The following MAML2 variants were observed in gnomAD, a reference collection of about 807,000 sequenced individuals.
MAML2 encodes the protein mastermind-like protein 2.
A neutral mutation model predicts 96.1 loss-of-function variants in MAML2; 22 were observed. That is an observed-to-expected ratio of 0.23 (90% CI 0.16 to 0.33). The LOEUF (loss-of-function observed/expected upper bound fraction) is 0.33, where lower values mean the gene tolerates loss of function less well. Among genes scored for constraint, MAML2 ranks in the 10% least tolerant of loss-of-function variants. The pLI is 1.00. For synonymous variants in MAML2, 561 were observed against 521.3 expected, an observed-to-expected ratio of 1.08 and a Z score of -1.04; for missense variants, 1,367 against 1,392.4, an observed-to-expected ratio of 0.98 and a Z score of 0.29.
chr11:96,341,237 C>T (rs563417071), intron 1 of MAML2, 146 bp downstream of exon 1: 6 of 910,554 alleles, frequency 6.6e-6, no homozygotes, highest in Middle Eastern at 2.2e-4. Flanking sequence ...TGAAACCACC[C>T]GAACACACCC....
Position 96,341,734 on chromosome 11 carries a change from A to G in MAML2, c.162T>C (p.Cys54=), listed in dbSNP as rs1863998144. 15 of 1,612,978 alleles carry G rather than the reference A, an allele frequency of 9.3e-6. No homozygotes were observed. Among genetic ancestry groups the G allele is most frequent in the Non-Finnish European group, 1.2e-5 (14 of 1,179,632 alleles). Residue 54 remains cysteine, a synonymous_variant, in exon 1 of 5, where the codon TGT becomes TGC. Transcript: ENST00000524717. ...IAVCRQHHLS[C]EGRYERGRAE... ...CCCTACCTCGTTCATATCGTCCTTC[A>G]CAGCTCAGGTGGTGTTGGCGGCAGA...
intron 2 of MAML2, among the ~76,000 whole-genome samples, chr11:96,083,079 T>C (rs1158066164): frequency 6.6e-6 from 1 of 152,206 alleles, no homozygotes; most frequent in Non-Finnish European, 1.5e-5. Context: ...CTCTGAGAAG[T>C]GGCACGTGGG....
At chr11:96,118,560 GC>G (rs996915757) in intron 1 of MAML2, among the ~76,000 whole-genome samples, 3 of 145,962 alleles carry the variant, frequency 2.1e-5, no homozygotes, top group Admixed American at 1.4e-4. Flanking sequence ...TGTGTTTATA[GC>G]AGTGTGAAAA....
intron 1 of MAML2, among the ~76,000 whole-genome samples, chr11:96,093,857 C>T (rs1005977713): frequency 5.9e-5 from 9 of 152,218 alleles, no homozygotes; most frequent in African/African-American, 2.2e-4. Context: ...TTGTTATTTT[C>T]TGGAGCAAGC....
At chr11:96,320,677 G>A (rs1484195445) in intron 1 of MAML2, among the ~76,000 whole-genome samples, 2 of 152,206 alleles carry the variant, frequency 1.3e-5, no homozygotes, top group East Asian at 3.8e-4. Context: ...AGGAATAGGA[G>A]TTTGTGAGGT....
At chr11:96,170,767 T>C (rs1376387139) in intron 1 of MAML2, among the ~76,000 whole-genome samples, 2 of 152,138 alleles carry the variant, frequency 1.3e-5, no homozygotes, top group African/African-American at 4.8e-5. Context: ...CAGGCTGGAG[T>C]GCAGTGGCGT....
chr11:96,252,770 C>T (rs1480822466), intron 1 of MAML2, among the ~76,000 whole-genome samples: 8 of 152,164 alleles, frequency 5.3e-5, no homozygotes, highest in Admixed American at 4.6e-4. Context: ...AACAGCTCAC[C>T]TAGGTTTTAA....
intron 1 of MAML2, among the ~76,000 whole-genome samples, chr11:96,206,185 G>T (rs554728352): frequency 1.6e-4 from 24 of 151,942 alleles, no homozygotes; most frequent in Non-Finnish European, 2.5e-4. Flanking sequence ...AATAAGTATA[G>T]CTTATATGTT....
chr11:96,003,213 T>C (rs906059049), intron 2 of MAML2, among the ~76,000 whole-genome samples: 39 of 151,756 alleles, frequency 2.6e-4, no homozygotes, highest in African/African-American at 9.0e-4. Context: ...ATGGGGATGA[T>C]GAGGAAGATG....
intron 2 of MAML2, among the ~76,000 whole-genome samples, chr11:96,000,136 GT>G (rs1271427568): frequency 1.3e-4 from 20 of 152,174 alleles, no homozygotes; most frequent in African/African-American, 4.8e-4. Flanking sequence ...TAATTGAGCA[GT>G]TGTTGTTTAA....
chr11:96,186,392 T>C (rs534866740), intron 1 of MAML2, among the ~76,000 whole-genome samples: 1 of 152,186 alleles, frequency 6.6e-6, no homozygotes, highest in East Asian at 1.9e-4. Flanking sequence ...GAGTTTGAGA[T>C]CAGCCTGACC....
In MAML2 at chr11:96,083,392, G is replaced by A. The variant is rs145459460; in HGVS notation, c.2139+8500C>T. On this transcript the variant is annotated intron_variant, in intron 2 of 4. Transcript: ENST00000524717. ...AAACTCTCTTACTTTACTTTTATCC[G>A]TATGATTTCCCCAGCATATAGGCCA... is the stretch of plus-strand genomic sequence containing the variant. Among the ~76,000 whole-genome samples the A allele has an allele frequency of 8.4e-4, 128 of 152,110 alleles. 1 individual carries two copies. The highest frequency in any genetic ancestry group is 2.9e-3 in the African/African-American group (121 of 41,466).
At chr11:96,181,663 TAATAGTC>T (rs1861488470) in intron 1 of MAML2, among the ~76,000 whole-genome samples, 1 of 152,120 alleles carries the variant, frequency 6.6e-6, no homozygotes, top group Non-Finnish European at 1.5e-5. Context: ...GAATGGTCAT[TAATAGTC>T]AACACTCATC....
chr11:96,204,403 A>G (rs189749396), intron 1 of MAML2, among the ~76,000 whole-genome samples: 23 of 152,346 alleles, frequency 1.5e-4, no homozygotes, highest in African/African-American at 5.3e-4. Context: ...AGTAATGTGC[A>G]TTGATTCAGG....
At chr11:96,035,421 T>C (rs1466201560) in intron 2 of MAML2, among the ~76,000 whole-genome samples, 1 of 152,240 alleles carries the variant, frequency 6.6e-6, no homozygotes, top group African/African-American at 2.4e-5. Context: ...ATCAATCAAA[T>C]TCTTGTTTTC....
chr11:96,090,719 G>C (rs1026161451), intron 2 of MAML2, among the ~76,000 whole-genome samples: 2 of 152,174 alleles, frequency 1.3e-5, no homozygotes, highest in Non-Finnish European at 2.9e-5. Context: ...AGGGCTGAAA[G>C]CTGTGCTTAG....
At chr11:96,008,450 T>TTTTAAA (rs1858220191) in intron 2 of MAML2, among the ~76,000 whole-genome samples, 1 of 152,214 alleles carries the variant, frequency 6.6e-6, no homozygotes, top group Non-Finnish European at 1.5e-5. Context: ...TAAAATGATA[T>TTTTAAA]ACATTTGGGA....
chr11:96,212,100 G>A (rs1861979623), intron 1 of MAML2, among the ~76,000 whole-genome samples: 1 of 135,952 alleles, frequency 7.4e-6, no homozygotes, highest in South Asian at 2.5e-4. Flanking sequence ...GCTATAAAAG[G>A]AAGACAAAGT....
intron 1 of MAML2, among the ~76,000 whole-genome samples, chr11:96,310,408 A>T (rs1230327270): frequency 2.9e-4 from 44 of 152,148 alleles, no homozygotes; most frequent in Admixed American, 2.9e-3. Context: ...GTCAAATTTC[A>T]CCCCAATGTG....
Sources: allele counts gnomAD v4.1 joint callset (sites outside exome capture counted in the v4.1 genomes callset), GRCh38; gene constraint gnomAD v4.1.1; transcripts MANE v1.5; gene names NCBI Gene and HGNC (gene_info 2026-07-23, HGNC 2026-07-21).